ACIN1: variants seen among roughly 807,000 people sequenced by gnomAD.
ACIN1 encodes the protein apoptotic chromatin condensation inducer in the nucleus.
ACIN1 carries 16 observed loss-of-function variants against 146.6 expected under a neutral mutation model. The observed-to-expected ratio is 0.11, with a 90% CI of 0.07 to 0.17. The LOEUF (loss-of-function observed/expected upper bound fraction) is 0.17, where lower values mean the gene tolerates loss of function less well. Ranked by LOEUF, ACIN1 falls within the 10% of genes least tolerant of loss-of-function variation. The probability of loss-of-function intolerance (pLI) is 1.00; values close to 1 mark genes in which losing one functional copy is unlikely to be tolerated. For missense variants in ACIN1, 1,357 were observed against 1,609.3 expected (o/e 0.84, Z 2.68); for synonymous variants, 569 against 582.7 (o/e 0.98, Z 0.34).
At position 23,095,135 on chromosome 14, in the gene ACIN1, G is replaced by T. The variant is rs749602073; in HGVS notation, c.-23C>A. On this transcript the variant is annotated 5_prime_UTR_variant, in exon 1 of 19. Transcript: ENST00000605057. ...CATCTTGCGTGAGGTACTCGGGTCC[G>T]TCCCGACGGCTTCGGGCATCTTCGG... 6.2e-6 allele frequency: 10 copies of T among 1,614,100 alleles called. No individual in the cohort carries two copies. The highest frequency in any genetic ancestry group is 1.3e-5 in the African/African-American group (1 of 74,928).
At chr14:23,065,424 A>G (rs2047422009) in intron 10 of ACIN1, among the ~76,000 whole-genome samples, 1 of 152,176 alleles carries the variant, frequency 6.6e-6, no homozygotes, top group Admixed American at 6.5e-5. Flanking sequence ...CATCTCTACT[A>G]AAAATACAAA....
At chr14:23,070,773 C>A (rs1223802832) in intron 8 of ACIN1, among the ~76,000 whole-genome samples, 1 of 152,064 alleles carries the variant, frequency 6.6e-6, no homozygotes, top group Non-Finnish European at 1.5e-5. Context: ...GACTGACTGA[C>A]ACTCAGAGGT....
rs962730378 is a variant in ACIN1, at chr14:23,061,744, C to T, written c.3100-122G>A. 9.1e-5 allele frequency: 77 copies of T among 842,982 alleles called. No homozygotes were observed. In the African/African-American group the frequency reaches 9.4e-4, roughly 10 times the overall value. The allele number at this position is 842,982 out of a possible 1,614,324, so 52.2% of individuals were successfully genotyped here. On this transcript the variant is annotated intron_variant, in intron 16 of 18. Coordinates refer to ENST00000605057, the MANE Select transcript of ACIN1 (RefSeq NM_001386863.1). Reference sequence around the variant, plus strand: ...ATCCCAGCACTTTGGGAGGCCAAGGCGGTCAGATCACGAGGTCAGGAGACC... The same window carrying T: ...ATCCCAGCACTTTGGGAGGCCAAGGTGGTCAGATCACGAGGTCAGGAGACC...
intron 8 of ACIN1, chr14:23,071,343 A>T: frequency 3.3e-6 from 5 of 1,516,458 alleles, no homozygotes; most frequent in Non-Finnish European, 4.4e-6. Flanking sequence ...GGATCCAAAA[A>T]ATGGTAAATG....
rs116278145 is a variant in ACIN1, at chr14:23,061,189, G to A, written c.3425-5C>T. The stretch of plus-strand genomic sequence containing the variant: ...GTGGTTCCTCCTGGGCTTTCTCTGA[G>A]GTGGAAAAAAGTGAACCAGATATGA... On this transcript the variant is annotated splice_region_variant and splice_polypyrimidine_tract_variant and intron_variant, in intron 17 of 18. Transcript: ENST00000605057. 2.3e-3 allele frequency: 3,717 copies of A among 1,614,020 alleles called. 68 individuals carry two copies. In the African/African-American group the frequency reaches 0.043, roughly 19 times the overall value.
At chr14:23,076,495 A>G (rs2047805494) in intron 8 of ACIN1, 1 of 152,198 alleles carries the variant, frequency 6.6e-6, no homozygotes, top group Non-Finnish European at 1.5e-5. Context: ...AGGAAACTCT[A>G]TGACTCCAAG....
chr14:23,081,901 A>C, intron 4 of ACIN1, 65 bp from the exon 5 acceptor site: 2 of 1,360,528 alleles, frequency 1.5e-6, no homozygotes, highest in East Asian at 2.3e-5. Context: ...CTTTTTAAAA[A>C]TCAGGCTTTC....
chr14:23,083,036 G>T (rs2047990596), intron 4 of ACIN1, among the ~76,000 whole-genome samples: 1 of 151,576 alleles, frequency 6.6e-6, no homozygotes, highest in South Asian at 2.1e-4. Context: ...ACCGCACCCG[G>T]ACTAGGTGAG....
chr14:23,082,269 CA>C (rs1034171254), intron 4 of ACIN1, among the ~76,000 whole-genome samples: 9 of 151,882 alleles, frequency 5.9e-5, no homozygotes, highest in African/African-American at 1.9e-4. Context: ...TAATTTCAAC[CA>C]AAATATTATG....
rs781341975 is a variant in ACIN1 at position 23,069,644 on chromosome 14, G to A, written c.2124-27C>T. 12 of 1,157,704 alleles carry A rather than the reference G, an allele frequency of 1.0e-5. 2 individuals are homozygous for A. Among genetic ancestry groups the A allele is most frequent in the South Asian group, 3.8e-5 (3 of 79,296 alleles). 71.7% of individuals were successfully genotyped at this position (1,157,704 alleles called of 1,614,324 possible). A position where few individuals can be genotyped will look rare whatever the true frequency, so the allele number is the denominator to read the frequency against. ...TGACAGGAGGGGGGAGTGGTGGTGGGGGGGCGGGCAGAAAAGAACCAAGGG... is the reference window on the plus strand; with the variant it reads ...TGACAGGAGGGGGGAGTGGTGGTGGAGGGGCGGGCAGAAAAGAACCAAGGG... On this transcript the variant is annotated intron_variant, in intron 8 of 18. Coordinates refer to ENST00000605057, the MANE Select transcript of ACIN1 (RefSeq NM_001386863.1).
intron 8 of ACIN1, chr14:23,071,039 G>C (rs545720296): frequency 5.0e-6 from 7 of 1,413,522 alleles, no homozygotes; most frequent in Non-Finnish European, 6.8e-6. Context: ...AACGAAAGAC[G>C]GAATGAAAGC....
At chr14:23,088,884 G>C (rs887842666) in intron 4 of ACIN1, among the ~76,000 whole-genome samples, 2 of 152,150 alleles carry the variant, frequency 1.3e-5, no homozygotes, top group African/African-American at 4.8e-5. Context: ...TGAGTGTCAT[G>C]TGAATACTCA....
chr14:23,068,527 C>A lies in ACIN1; in HGVS notation c.2265+949G>T. 1.0e-6 allele frequency: 1 copy of A among 985,928 alleles called. No homozygotes were observed. Among genetic ancestry groups the A allele is most frequent in the South Asian group, 4.7e-5 (1 of 21,278 alleles). The allele number at this position is 985,928 out of a possible 1,614,324, so 61.1% of individuals were successfully genotyped here. ...TCACAGGAGCCCATATACATGCCCC[C>A]CTCTGGCCAAGACACCTGGATAGCA... On this transcript the variant is annotated intron_variant, in intron 9 of 18. Transcript: ENST00000605057. The surrounding 1 kb of genome is among the most constrained non-coding windows in gnomAD (Gnocchi z 4.3).
At chr14:23,086,050 A>T (rs1278496038) in intron 4 of ACIN1, among the ~76,000 whole-genome samples, 1 of 152,266 alleles carries the variant, frequency 6.6e-6, no homozygotes, top group African/African-American at 2.4e-5. Flanking sequence ...GATTTGTGGG[A>T]CCAAAGTAAG....
intron 4 of ACIN1, among the ~76,000 whole-genome samples, chr14:23,086,394 C>G (rs572284292): frequency 2.6e-5 from 4 of 152,328 alleles, no homozygotes; most frequent in African/African-American, 9.6e-5. Flanking sequence ...TCTGTACACA[C>G]AGTCATGATA....
At chr14:23,075,076 G>T (rs2047763682) in intron 8 of ACIN1, among the ~76,000 whole-genome samples, 1 of 152,060 alleles carries the variant, frequency 6.6e-6, no homozygotes, top group African/African-American at 2.4e-5. Context: ...TGCATCATTT[G>T]GGATATTGGC....
chr14:23,062,159 G>T lies in ACIN1; in HGVS notation c.3099+9C>A. On this transcript the variant is annotated intron_variant, in intron 16 of 18. Coordinates refer to ENST00000605057, the MANE Select transcript of ACIN1 (RefSeq NM_001386863.1). ...CCCCTCCTCTCTTTCCTCTCCCTAG[G>T]TTTCTTACCTCATCTTGCTCGGCAT... The T allele has an allele frequency of 6.2e-7, 1 of 1,611,782 alleles. No individual in the cohort carries two copies. Among genetic ancestry groups the T allele is most frequent in the South Asian group, 1.1e-5 (1 of 90,992 alleles).
rs1024014827 is a variant in ACIN1 at position 23,063,426 on chromosome 14, T to C, written c.2737+10A>G. ...GCCGCATTACATTTCTCTCACAATA[T>C]GTCACTCACCTTTCTTTACTTCATG... On this transcript the variant is annotated intron_variant, in intron 13 of 18. Transcript: ENST00000605057. 5 of 1,613,014 alleles carry C rather than the reference T, an allele frequency of 3.1e-6. No homozygotes were observed. The Admixed American group carries it at 6.7e-5, about 22-fold the overall frequency.
chr14:23,068,061 GAC>G lies in ACIN1; in HGVS notation c.2265+1413_2265+1414del. ...AACCAACATGCTGCCCTTCACCATG[GAC>G]AACAGGGACCAAAGGAAAGTCCATC... is the stretch of plus-strand genomic sequence containing the variant. On this transcript the variant is annotated intron_variant, in intron 9 of 18. Coordinates refer to ENST00000605057, the MANE Select transcript of ACIN1 (RefSeq NM_001386863.1). This position sits in a 1 kb window ranked among gnomAD's most constrained non-coding sequence, Gnocchi z 4.3. The G allele has an allele frequency of 1.0e-6, 1 of 985,892 alleles. No individual in the cohort carries two copies. The highest frequency in any genetic ancestry group is 1.2e-6 in the Non-Finnish European group (1 of 829,954). 61.1% of individuals were successfully genotyped at this position (985,892 alleles called of 1,614,324 possible). A position where few individuals can be genotyped will look rare whatever the true frequency, so the allele number is the denominator to read the frequency against.
Sources: allele counts gnomAD v4.1 joint callset (sites outside exome capture counted in the v4.1 genomes callset), GRCh38; gene constraint gnomAD v4.1.1; non-coding constraint Gnocchi (gnomAD v3.1); transcripts MANE v1.5; gene names NCBI Gene and HGNC (gene_info 2026-07-23, HGNC 2026-07-21).